The following MCTP1 variants were observed in gnomAD, a reference collection of about 807,000 sequenced individuals.
The protein encoded by MCTP1 is multiple C2 and transmembrane domain-containing protein 1.
Under a neutral mutation model 120.6 loss-of-function variants are expected in MCTP1, and 69 were observed. The observed-to-expected ratio is 0.57, with a 90% confidence interval of 0.47 to 0.70. The LOEUF is 0.70. Among genes scored for constraint, MCTP1 ranks in the 30% least tolerant of loss-of-function variants. The pLI is 0.00. For synonymous variants in MCTP1, 529 were observed against 493.1 expected, an observed-to-expected ratio of 1.07 and a Z score of -0.96; for missense variants, 1,203 against 1,248.8, an observed-to-expected ratio of 0.96 and a Z score of 0.55.
intron 1 of MCTP1, among the ~76,000 whole-genome samples, chr5:95,051,602 T>A (rs1041180999): frequency 9.2e-5 from 14 of 152,228 alleles, no homozygotes; most frequent in Admixed American, 2.0e-4. Flanking sequence ...CCATCTCTTA[T>A]ACTTGACCAA....
chr5:94,812,427 G>T (rs1174003512), intron 17 of MCTP1, among the ~76,000 whole-genome samples: 1 of 148,404 alleles, frequency 6.7e-6, no homozygotes, highest in African/African-American at 2.5e-5. Flanking sequence ...CCAAAAGGTG[G>T]TGCTGTTTGT....
chr5:95,016,797 G>T (rs116987042), intron 2 of MCTP1, among the ~76,000 whole-genome samples: 1 of 152,194 alleles, frequency 6.6e-6, no homozygotes, highest in East Asian at 1.9e-4. Flanking sequence ...TTCATCAAGA[G>T]ATTGCATTGG....
intron 17 of MCTP1, among the ~76,000 whole-genome samples, chr5:94,808,556 T>C (rs1431343035): frequency 6.6e-6 from 1 of 152,190 alleles, no homozygotes; most frequent in African/African-American, 2.4e-5. Flanking sequence ...TTAATTAGAA[T>C]GAAAATTGCT....
At chr5:94,929,403 T>C (rs1813967848) in intron 6 of MCTP1, among the ~76,000 whole-genome samples, 2 of 152,218 alleles carry the variant, frequency 1.3e-5, no homozygotes, top group African/African-American at 4.8e-5. Context: ...ATCTGTGTTT[T>C]TATGAAAAAT....
At chr5:94,839,361 A>G (rs1321242246) in intron 17 of MCTP1, among the ~76,000 whole-genome samples, 1 of 152,150 alleles carries the variant, frequency 6.6e-6, no homozygotes, top group East Asian at 1.9e-4. Flanking sequence ...ACTCACCCAG[A>G]GTAGGAGGTC....
At chr5:95,231,840 A>C (rs1754984013) in intron 1 of MCTP1, among the ~76,000 whole-genome samples, 1 of 152,220 alleles carries the variant, frequency 6.6e-6, no homozygotes, top group Admixed American at 6.5e-5. Context: ...GAAAATTGGA[A>C]GTATACTATT....
rs1450942928 is a variant in MCTP1, at chr5:95,284,246, G to T, written c.330C>A (p.Gly110=). The T allele has an allele frequency of 6.3e-7, 1 of 1,587,102 alleles. No individual in the cohort carries two copies. Residue 110 remains glycine, a synonymous_variant, in exon 1 of 23, where the codon GGC becomes GGA. Transcript: ENST00000515393. This position sits in a 1 kb window ranked among gnomAD's most constrained non-coding sequence, Gnocchi z 5.2. ...ACCCCTGCTCGGCTCTGCCGGCGCC[G>T]CCGGGCTCCAGGGGCTCCGGCGACG... The part of the protein sequence containing the change: ...CCSSPEPLEP[G]GAGRAEQGST...
chr5:94,873,090 C>T (rs1420974580), intron 13 of MCTP1, 49 bp downstream of exon 13: 3 of 1,094,058 alleles, frequency 2.7e-6, no homozygotes, highest in Non-Finnish European at 4.2e-6. Context: ...AAAAATAAAT[C>T]AAATTTAACA....
chr5:94,851,989 G>T (rs546112464), intron 17 of MCTP1, among the ~76,000 whole-genome samples: 3 of 151,788 alleles, frequency 2.0e-5, no homozygotes, highest in African/African-American at 7.3e-5. Context: ...AATGATTAAT[G>T]ATCTTAATTT....
intron 2 of MCTP1, among the ~76,000 whole-genome samples, chr5:95,006,548 C>T (rs893301287): frequency 3.3e-5 from 5 of 152,060 alleles, no homozygotes; most frequent in Admixed American, 2.6e-4. Flanking sequence ...TACCTGATTC[C>T]CACCAACTGT....
intron 11 of MCTP1, among the ~76,000 whole-genome samples, chr5:94,892,119 C>A (rs187774832): frequency 9.9e-4 from 150 of 152,280 alleles, no homozygotes; most frequent in African/African-American, 3.5e-3. Flanking sequence ...CATCGAGATG[C>A]TCTGAGGGGC....
chr5:94,837,693 G>C (rs1044672055), intron 17 of MCTP1, among the ~76,000 whole-genome samples: 1 of 152,158 alleles, frequency 6.6e-6, no homozygotes, highest in African/African-American at 2.4e-5. Flanking sequence ...TCATGTCAGA[G>C]GGATGAAAAT....
chr5:94,897,665 G>A (rs574235194), intron 10 of MCTP1, among the ~76,000 whole-genome samples: 30 of 152,176 alleles, frequency 2.0e-4, no homozygotes, highest in Admixed American at 1.2e-3. Flanking sequence ...GCACCCAGCC[G>A]ACTTTTTCCC....
intron 1 of MCTP1, among the ~76,000 whole-genome samples, chr5:95,021,696 T>C (rs1260795671): frequency 1.3e-5 from 2 of 152,094 alleles, no homozygotes; most frequent in Non-Finnish European, 2.9e-5. Context: ...TTTTGGGTTG[T>C]CTGTGTATAG....
intron 8 of MCTP1, among the ~76,000 whole-genome samples, chr5:94,914,532 A>T (rs1344770220): frequency 6.6e-6 from 1 of 152,280 alleles, no homozygotes; most frequent in Middle Eastern, 3.2e-3. Context: ...TTTCAAAATC[A>T]CATTGCATAT....
chr5:94,844,057 C>T (rs1373243306), intron 17 of MCTP1, among the ~76,000 whole-genome samples: 1 of 152,034 alleles, frequency 6.6e-6, no homozygotes, highest in Non-Finnish European at 1.5e-5. Context: ...AATCTCAACA[C>T]TTTGGGAGGC....
At chr5:95,041,190 TATC>T (rs985747059) in intron 1 of MCTP1, among the ~76,000 whole-genome samples, 26 of 151,900 alleles carry the variant, frequency 1.7e-4, no homozygotes, top group African/African-American at 6.3e-4. Flanking sequence ...TAATTATGCT[TATC>T]ATACTACTTT....
chr5:95,064,181 T>C (rs1750005459), intron 1 of MCTP1, among the ~76,000 whole-genome samples: 1 of 152,198 alleles, frequency 6.6e-6, no homozygotes, highest in Admixed American at 6.5e-5. Flanking sequence ...TAGAAACGAA[T>C]TGATAATCAA....
intron 11 of MCTP1, among the ~76,000 whole-genome samples, chr5:94,890,998 T>C (rs1802459067): frequency 6.6e-6 from 1 of 152,330 alleles, no homozygotes; most frequent in Admixed American, 6.5e-5. Flanking sequence ...CCCATCATCA[T>C]ATTAATAATG....
Sources: gnomAD v4.1 joint callset for allele counts (sites outside exome capture counted in the v4.1 genomes callset) on GRCh38, gnomAD v4.1.1 for gene constraint, Gnocchi (gnomAD v3.1) non-coding constraint, MANE v1.5 for transcripts, NCBI Gene and HGNC (gene_info 2026-07-23, HGNC 2026-07-21) for gene names.